Variants in FNDC1 observed in about 807,000 individuals in gnomAD.
FNDC1 encodes the protein fibronectin type III domain containing 1, also known as fibronectin type III domain-containing protein 1.
A neutral mutation model predicts 168.0 loss-of-function variants in FNDC1; 96 were observed. That is an observed-to-expected ratio of 0.57 (90% CI 0.48 to 0.68). FNDC1 has a LOEUF of 0.68. FNDC1 is among the 30% of genes least tolerant of loss of function. The pLI is 0.00. For missense variants in FNDC1, 2,587 were observed against 2,482.1 expected, an observed-to-expected ratio of 1.04 and a Z score of -0.90; for synonymous variants, 1,099 against 1,025.9, an observed-to-expected ratio of 1.07 and a Z score of -1.36.
At position 159,232,614 on chromosome 6, in the gene FNDC1, C is replaced by G. The variant is rs780414097; in HGVS notation, c.2102C>G (p.Pro701Arg). The G allele has an allele frequency of 6.2e-7, 1 of 1,608,670 alleles. No homozygotes were observed. The highest frequency in any genetic ancestry group is 8.5e-7 in the Non-Finnish European group (1 of 1,176,436). ...CCAGCCTCGCCGGCCCGGAGGACCC[C>G]CCATTCAGGGGCCGCAGAGGAAGAT... Reference protein sequence around the residue: ...AKPASPARRTPHSGAAEEDSS... With the variant: ...AKPASPARRTRHSGAAEEDSS... The change falls in exon 11 of 23, where the codon CCC becomes CGC. Residue 701 changes from proline (P) to arginine (R), a missense_variant. Physicochemically the swap from Pro to Arg is moderately radical, Grantham distance 103. Coordinates refer to ENST00000297267, the MANE Select transcript of FNDC1 (RefSeq NM_032532.3). The surrounding 1 kb of genome is among the most constrained non-coding windows in gnomAD (Gnocchi z 4.9).
Position 159,234,016 on chromosome 6 carries a change from C to T in FNDC1, c.3504C>T (p.Ser1168=), listed in dbSNP as rs774493908. ...AGCCTCCTTCCAAGCGGCCCCTGTC[C>T]TCCAAGTCCCAGCAGTCGGTCTCAG... ...KSEPPSKRPL[S]SKSQQSVSAE... is the part of the protein sequence containing the mutation. The change falls in exon 11 of 23, where the codon TCC becomes TCT. Residue 1168 remains serine (S), a synonymous_variant. Transcript: ENST00000297267. The T allele has an allele frequency of 6.2e-7, 1 of 1,609,578 alleles. No homozygotes were observed.
In FNDC1 at chr6:159,232,122, C is replaced by G; in HGVS notation, c.1610C>G (p.Ser537Trp). 6.2e-7 allele frequency: 1 copy of G among 1,613,888 alleles called. No homozygotes were observed. The highest frequency in any genetic ancestry group is 8.5e-7 in the Non-Finnish European group (1 of 1,179,870). ...AAGGCAGAGGAGCTGGATCTTCAGTCGACAGAAATCACTGGGGAGGAGGAG... is the reference window on the plus strand; with the variant it reads ...AAGGCAGAGGAGCTGGATCTTCAGTGGACAGAAATCACTGGGGAGGAGGAG... ...AKKAEELDLQ[S>W]TEITGEEELG... Residue 537 changes from serine (S) to tryptophan (W), a missense_variant, in exon 11 of 23, where the codon TCG (serine) becomes TGG (tryptophan). Ser to Trp is a radical substitution (Grantham distance 177). Coordinates refer to ENST00000297267, the MANE Select transcript of FNDC1 (RefSeq NM_032532.3). This position sits in a 1 kb window ranked among gnomAD's most constrained non-coding sequence, Gnocchi z 4.9.
At position 159,232,397 on chromosome 6, in the gene FNDC1, A is replaced by T. The variant is rs1562299541; in HGVS notation, c.1885A>T (p.Thr629Ser). 1 of 1,612,742 alleles carries T rather than the reference A, an allele frequency of 6.2e-7. No individual in the cohort carries two copies. Among genetic ancestry groups the T allele is most frequent in the Admixed American group, 1.7e-5 (1 of 59,950 alleles). ...SPAHHASTQG[T>S]SHRPSLPASL... ...TGCCCACCACGCGTCCACCCAGGGC[A>T]CCTCTCATCGTCCTTCCCTGCCTGC... Residue 629 changes from threonine to serine, a missense_variant, in exon 11 of 23, where the codon ACC becomes TCC. Transcript: ENST00000297267. The surrounding 1 kb of genome is among the most constrained non-coding windows in gnomAD (Gnocchi z 4.9).
intron 17 of FNDC1, 117 bp from the exon 18 acceptor site, chr6:159,256,406 A>G: frequency 4.1e-6 from 3 of 734,442 alleles, no homozygotes; most frequent in South Asian, 1.7e-5. Flanking sequence ...TCCTTCCTGT[A>G]GTTCCCACAT....
intron 1 of FNDC1, among the ~76,000 whole-genome samples, chr6:159,180,664 G>C (rs149586108): frequency 0.044 from 6,748 of 152,090 alleles, 172 homozygotes; most frequent in East Asian, 0.12. Context: ...CCCAGTGTGT[G>C]CTGTTCCCCT....
intron 14 of FNDC1, chr6:159,243,094 T>C (rs1305676481): frequency 1.3e-5 from 2 of 152,230 alleles, no homozygotes; most frequent in East Asian, 1.9e-4. Flanking sequence ...TTCCTTGTGG[T>C]ACCTAAGTAT....
chr6:159,238,484 A>G lies in FNDC1; in HGVS notation c.4069-70A>G, dbSNP rs554963526. The G allele has an allele frequency of 4.0e-5, 40 of 1,009,746 alleles. No individual in the cohort carries two copies. In the African/African-American group the frequency reaches 5.6e-4, roughly 14 times the overall value. The allele number at this position is 1,009,746 out of a possible 1,614,324, so 62.5% of individuals were successfully genotyped here. A position where few individuals can be genotyped will look rare whatever the true frequency, so the allele number is the denominator to read the frequency against. ...CTGTGGAAGCTTCAGGGGTATATACATATATAATTGGACTAATGTGATCAT... is the reference window on the plus strand; with the variant it reads ...CTGTGGAAGCTTCAGGGGTATATACGTATATAATTGGACTAATGTGATCAT... On this transcript the variant is annotated intron_variant, in intron 12 of 22. Coordinates refer to ENST00000297267, the MANE Select transcript of FNDC1 (RefSeq NM_032532.3).
intron 17 of FNDC1, among the ~76,000 whole-genome samples, chr6:159,253,907 C>T (rs564144413): frequency 1.3e-5 from 2 of 152,228 alleles, no homozygotes; most frequent in African/African-American, 2.4e-5. Context: ...GTGTGACCTC[C>T]GTCCCCTCTG....
At chr6:159,268,599 A>G (rs1474560757) in intron 22 of FNDC1, among the ~76,000 whole-genome samples, 1 of 151,872 alleles carries the variant, frequency 6.6e-6, no homozygotes, top group Non-Finnish European at 1.5e-5. Flanking sequence ...CTCTCTCTCT[A>G]TCATCTATCT....
chr6:159,188,719 G>C (rs1428060298), intron 1 of FNDC1, among the ~76,000 whole-genome samples: 2 of 151,374 alleles, frequency 1.3e-5, no homozygotes, highest in African/African-American at 4.9e-5. Context: ...CTGGCTGTGG[G>C]GGTAGCTTCA....
Position 159,234,175 on chromosome 6 carries a change from G to A in FNDC1, c.3663G>A (p.Lys1221=), listed in dbSNP as rs754891780. 3.8e-6 allele frequency: 6 copies of A among 1,598,896 alleles called. No homozygotes were observed. The highest frequency in any genetic ancestry group is 3.5e-5 in the Admixed American group (2 of 57,776). ...GGKDADGSLA[K]EEREPAIALA... is the part of the protein sequence containing the mutation. ...AAGACGCCGATGGGAGCCTCGCCAAGGAAGAGAGGGAGCCTGCCATCGCGC... is the reference window on the plus strand; with the variant it reads ...AAGACGCCGATGGGAGCCTCGCCAAAGAAGAGAGGGAGCCTGCCATCGCGC... The change falls in exon 11 of 23, where the codon AAG becomes AAA. Residue 1221 remains lysine (K), a synonymous_variant. Transcript: ENST00000297267.
chr6:159,259,994 T>C (rs918283165), intron 18 of FNDC1, among the ~76,000 whole-genome samples: 1 of 152,258 alleles, frequency 6.6e-6, no homozygotes, highest in African/African-American at 2.4e-5. Flanking sequence ...TAATAACCCT[T>C]TGCTCTCTGA....
At chr6:159,226,631 G>A in intron 9 of FNDC1, 51 bp downstream of exon 9, 1 of 1,393,762 alleles carries the variant, frequency 7.2e-7, no homozygotes. Flanking sequence ...TGATGAACAT[G>A]GCCTCTGCTT....
chr6:159,174,963 A>G (rs1781733675), intron 1 of FNDC1, among the ~76,000 whole-genome samples: 1 of 152,242 alleles, frequency 6.6e-6, no homozygotes, highest in African/African-American at 2.4e-5. Flanking sequence ...TTATAATGTC[A>G]AATTATTATA....
At chr6:159,266,766 C>G (rs2115033089) in intron 21 of FNDC1, among the ~76,000 whole-genome samples, 1 of 151,102 alleles carries the variant, frequency 6.6e-6, no homozygotes, top group South Asian at 2.1e-4. Context: ...TCCTCTCCAG[C>G]CCCTGACACA....
At chr6:159,218,221 T>C (rs1782744602) in intron 5 of FNDC1, 2 of 152,252 alleles carry the variant, frequency 1.3e-5, no homozygotes, top group African/African-American at 4.8e-5. Context: ...AACTGCTGGC[T>C]CACCGGAACA....
In FNDC1 at chr6:159,231,267, C is replaced by T. The variant is rs1303215044; in HGVS notation, c.1370-615C>T. Reference sequence around the variant, plus strand: ...GCGGGCGCCTGTAGTCCCAGCTACTCGGGAGGCTGAGGCAGGAGAATGGCG... The same window carrying T: ...GCGGGCGCCTGTAGTCCCAGCTACTTGGGAGGCTGAGGCAGGAGAATGGCG... On this transcript the variant is annotated intron_variant, in intron 10 of 22. Transcript: ENST00000297267. Among the ~76,000 whole-genome samples, 5 of 79,796 alleles carry T rather than the reference C, an allele frequency of 6.3e-5. 1 individual carries two copies. Among genetic ancestry groups the T allele is most frequent in the African/African-American group, 1.5e-4 (5 of 33,424 alleles). The allele number at this position is 79,796 out of a possible 152,430, so 52.3% of individuals were successfully genotyped here.
intron 4 of FNDC1, among the ~76,000 whole-genome samples, chr6:159,208,253 C>A (rs554477364): frequency 6.6e-6 from 1 of 152,122 alleles, no homozygotes; most frequent in Non-Finnish European, 1.5e-5. Flanking sequence ...GATGGCACAG[C>A]GATGTCTACA....
intron 1 of FNDC1, among the ~76,000 whole-genome samples, chr6:159,176,358 G>A (rs957491233): frequency 6.6e-6 from 1 of 152,198 alleles, no homozygotes; most frequent in Non-Finnish European, 1.5e-5. Flanking sequence ...TGCTGTCAGA[G>A]GACACACAGG....
Sources: allele counts gnomAD v4.1 joint callset (sites outside exome capture counted in the v4.1 genomes callset), GRCh38; gene constraint gnomAD v4.1.1; non-coding constraint Gnocchi (gnomAD v3.1); transcripts MANE v1.5; gene names NCBI Gene and HGNC (gene_info 2026-07-23, HGNC 2026-07-21).